The following LPGAT1 variants were observed in gnomAD, a reference collection of about 807,000 sequenced individuals.
LPGAT1 encodes acyl-CoA:lysophosphatidylglycerol acyltransferase 1.
A neutral mutation model predicts 47.5 loss-of-function variants in LPGAT1; 11 were observed. That is an observed-to-expected ratio of 0.23 (90% CI 0.15 to 0.38). LPGAT1 has a LOEUF of 0.38. Ranked by LOEUF, LPGAT1 falls within the 10% of genes least tolerant of loss-of-function variation. LPGAT1 has a pLI of 1.00. For missense variants in LPGAT1, 293 were observed against 439.0 expected (o/e 0.67, Z 2.97); for synonymous variants, 138 against 144.2 (o/e 0.96, Z 0.31).
chr1:211,800,193 A>ATTTT, intron 2 of LPGAT1, among the ~76,000 whole-genome samples: 1 of 141,870 alleles, frequency 7.0e-6, no homozygotes. Context: ...TGTCCAGCTA[A>ATTTT]TTTTTTTTTT....
chr1:211,828,607 C>T (rs1247556094), intron 2 of LPGAT1, among the ~76,000 whole-genome samples: 1 of 152,142 alleles, frequency 6.6e-6, no homozygotes, highest in Non-Finnish European at 1.5e-5. Flanking sequence ...GCTCAAAAGG[C>T]TAACAGTACA....
chr1:211,765,173 ACTT>A (rs1657856048), intron 6 of LPGAT1, among the ~76,000 whole-genome samples: 1 of 152,204 alleles, frequency 6.6e-6, no homozygotes, highest in Admixed American at 6.5e-5. Context: ...ATGTTTTTAA[ACTT>A]TTTATTTTGA....
At chr1:211,818,540 G>C (rs1660259070) in intron 2 of LPGAT1, among the ~76,000 whole-genome samples, 1 of 152,158 alleles carries the variant, frequency 6.6e-6, no homozygotes. Flanking sequence ...AAATAAAACA[G>C]ATCAGCTTCT....
intron 6 of LPGAT1, among the ~76,000 whole-genome samples, chr1:211,753,271 T>C (rs556845357): frequency 2.6e-5 from 4 of 152,344 alleles, no homozygotes; most frequent in South Asian, 4.2e-4. Context: ...CAAACAGTAT[T>C]TGAAATCTTG....
chr1:211,797,670 C>T (rs1659403730), intron 2 of LPGAT1, among the ~76,000 whole-genome samples: 1 of 152,042 alleles, frequency 6.6e-6, no homozygotes, highest in South Asian at 2.1e-4. Context: ...CCTTGCTATT[C>T]CAGGACCAGT....
At chr1:211,810,731 A>G (rs1271280869) in intron 2 of LPGAT1, among the ~76,000 whole-genome samples, 1 of 152,242 alleles carries the variant, frequency 6.6e-6, no homozygotes, top group Non-Finnish European at 1.5e-5. Flanking sequence ...AAGCTAGGAA[A>G]AGAAGTCATT....
chr1:211,788,797 T>G (rs1658991423), intron 3 of LPGAT1, among the ~76,000 whole-genome samples: 1 of 152,148 alleles, frequency 6.6e-6, no homozygotes, highest in African/African-American at 2.4e-5. Flanking sequence ...AAGTGAAAGC[T>G]ACAACCTCAG....
intron 7 of LPGAT1, among the ~76,000 whole-genome samples, chr1:211,750,754 T>C (rs192299008): frequency 2.6e-5 from 4 of 152,332 alleles, no homozygotes; most frequent in Admixed American, 2.6e-4. Flanking sequence ...TAAGGTCATC[T>C]TGATAACACT....
At chr1:211,780,200 ATAAT>A (rs1658579058) in intron 5 of LPGAT1, among the ~76,000 whole-genome samples, 1 of 152,222 alleles carries the variant, frequency 6.6e-6, no homozygotes, top group Admixed American at 6.5e-5. Context: ...TACATAAAAA[ATAAT>A]TAATAAATAA....
intron 2 of LPGAT1, among the ~76,000 whole-genome samples, chr1:211,806,602 A>G (rs1659772390): frequency 6.6e-6 from 1 of 152,220 alleles, no homozygotes; most frequent in African/African-American, 2.4e-5. Context: ...TAGAAACCCA[A>G]ACTTCAGCAT....
intron 6 of LPGAT1, 120 bp downstream of exon 6, chr1:211,778,798 T>C: frequency 1.4e-6 from 1 of 726,110 alleles, no homozygotes; most frequent in Non-Finnish European, 2.1e-6. Context: ...AAATGCAGCA[T>C]AAGAATGAAC....
chr1:211,793,151 T>A lies in LPGAT1; in HGVS notation c.278A>T (p.Asp93Val). 1 of 1,611,672 alleles carries A rather than the reference T, an allele frequency of 6.2e-7. No individual in the cohort carries two copies. The highest frequency in any genetic ancestry group is 8.5e-7 in the Non-Finnish European group (1 of 1,178,880). Residue 93 changes from aspartate (D) to valine (V), a missense_variant, in exon 3 of 8, where the codon GAT becomes GTT. Coordinates refer to ENST00000366997, the MANE Select transcript of LPGAT1 (RefSeq NM_014873.3). ...ATGATTCACCAACATCACTGCTTCA[T>A]CTTTTGAAACTGCTTTAATATCTTC... Reference protein sequence around the residue: ...WGEDIKAVSKDEAVMLVNHQA... With the variant: ...WGEDIKAVSKVEAVMLVNHQA...
At chr1:211,797,806 T>C (rs1426317567) in intron 2 of LPGAT1, among the ~76,000 whole-genome samples, 3 of 152,138 alleles carry the variant, frequency 2.0e-5, no homozygotes, top group Non-Finnish European at 4.4e-5. Flanking sequence ...ATGAAATGAA[T>C]TCTCAAAAAA....
intron 6 of LPGAT1, among the ~76,000 whole-genome samples, chr1:211,766,212 T>TC (rs1265243601): frequency 6.6e-6 from 1 of 152,124 alleles, no homozygotes; most frequent in Admixed American, 6.6e-5. Context: ...CAACGTTGGC[T>TC]CCCTTGGTTC....
At chr1:211,770,840 T>C (rs544273907) in intron 6 of LPGAT1, among the ~76,000 whole-genome samples, 4 of 152,312 alleles carry the variant, frequency 2.6e-5, no homozygotes, top group Middle Eastern at 3.4e-3. Context: ...CTCACACCTG[T>C]AACCCTAGCA....
Position 211,810,256 on chromosome 1 carries a change from A to T in LPGAT1, c.239-17066T>A, listed in dbSNP as rs529832418. Among the ~76,000 whole-genome samples, 33 of 152,366 alleles carry T rather than the reference A, an allele frequency of 2.2e-4. No individual in the cohort carries two copies. In the Middle Eastern group the frequency reaches 0.024, roughly 110 times the overall value. ...TTTCTTCAGAGAGACACAGGGTTCT[A>T]CCACTGCAGAAGACATAAAAGTATA... is the stretch of plus-strand genomic sequence containing the variant. On this transcript the variant is annotated intron_variant, in intron 2 of 7. Coordinates refer to ENST00000366997, the MANE Select transcript of LPGAT1 (RefSeq NM_014873.3).
intron 2 of LPGAT1, among the ~76,000 whole-genome samples, chr1:211,808,350 C>T (rs996132818): frequency 2.4e-5 from 3 of 122,734 alleles, no homozygotes; most frequent in Non-Finnish European, 5.3e-5. Flanking sequence ...AACTCCGTCT[C>T]AAAAAAAAAA....
chr1:211,828,670 G>A (rs1385819085), intron 2 of LPGAT1, among the ~76,000 whole-genome samples: 1 of 152,088 alleles, frequency 6.6e-6, no homozygotes, highest in Non-Finnish European at 1.5e-5. Context: ...CACAAATATG[G>A]TCCCATTCTT....
At position 211,787,652 on chromosome 1, in the gene LPGAT1, C is replaced by T; in HGVS notation, c.433G>A (p.Gly145Arg). Residue 145 changes from glycine (G) to arginine (R), a missense_variant, in exon 4 of 8, where the codon GGA becomes AGA. Physicochemically the swap from Gly to Arg is moderately radical, Grantham distance 125 (BLOSUM62 -2). Coordinates refer to ENST00000366997, the MANE Select transcript of LPGAT1 (RefSeq NM_014873.3). ...TNFGIVSLVH[G>R]DFFIRQGRSY... ...CTTACCTGTCTTATAAAGAAGTCTC[C>T]ATGAACTAGAGAAACAATTCCAAAG... is the stretch of plus-strand genomic sequence containing the variant. 1 of 1,601,040 alleles carries T rather than the reference C, an allele frequency of 6.2e-7. No individual in the cohort carries two copies. Among genetic ancestry groups the T allele is most frequent in the Non-Finnish European group, 8.5e-7 (1 of 1,169,828 alleles).
Sources: allele counts gnomAD v4.1 joint callset (sites outside exome capture counted in the v4.1 genomes callset), GRCh38; gene constraint gnomAD v4.1.1; transcripts MANE v1.5; gene names NCBI Gene and HGNC (gene_info 2026-07-23, HGNC 2026-07-21).